The following DNAAF9 variants were observed in gnomAD, a reference collection of about 807,000 sequenced individuals.
DNAAF9 encodes the protein shulin.
A neutral mutation model predicts 167.0 loss-of-function variants in DNAAF9; 90 were observed. The ratio of observed to expected loss-of-function variants is 0.54; its 90% CI spans 0.45 to 0.64. The LOEUF (loss-of-function observed/expected upper bound fraction) is 0.64, where lower values mean the gene tolerates loss of function less well. Ranked by LOEUF, DNAAF9 falls within the 30% of genes least tolerant of loss-of-function variation. The pLI is 0.00. For missense variants in DNAAF9, 1,315 were observed against 1,442.2 expected (o/e 0.91, Z 1.43); for synonymous variants, 491 against 508.8 (o/e 0.96, Z 0.47).
chr20:3,252,749 G>A (rs2068214931), intron 36 of DNAAF9, 65 bp from the exon 37 acceptor site: 3 of 966,164 alleles, frequency 3.1e-6, no homozygotes, highest in South Asian at 1.3e-5. Flanking sequence ...TGAGCCCAGA[G>A]CGGCCTGTAG....
At chr20:3,265,523 C>T (rs1343322258) in intron 30 of DNAAF9, among the ~76,000 whole-genome samples, 2 of 127,950 alleles carry the variant, frequency 1.6e-5, no homozygotes, top group South Asian at 2.6e-4. Flanking sequence ...TGCAGTGAGA[C>T]GAGATCACGC....
intron 6 of DNAAF9, among the ~76,000 whole-genome samples, chr20:3,370,485 C>A (rs1241388120): frequency 2.6e-5 from 4 of 151,972 alleles, no homozygotes; most frequent in Non-Finnish European, 5.9e-5. Context: ...TCTTGGCTCA[C>A]TGCAGCCTCC....
chr20:3,326,141 G>T, intron 13 of DNAAF9, 56 bp downstream of exon 13: 1 of 1,270,926 alleles, frequency 7.9e-7, no homozygotes, highest in Non-Finnish European at 1.1e-6. Context: ...CACATGGATA[G>T]AATGTTTTAC....
intron 1 of DNAAF9, among the ~76,000 whole-genome samples, chr20:3,386,094 C>A (rs2083732743): frequency 6.6e-6 from 1 of 152,128 alleles, no homozygotes; most frequent in African/African-American, 2.4e-5. Flanking sequence ...CGAGGCCAGC[C>A]TGGGCAATAT....
intron 7 of DNAAF9, among the ~76,000 whole-genome samples, chr20:3,352,545 T>G (rs972930261): frequency 1.3e-5 from 2 of 152,198 alleles, no homozygotes; most frequent in African/African-American, 4.8e-5. Context: ...AAAGAACGTT[T>G]CAATTCAGAA....
chr20:3,394,942 CTTTTTTCTTTTTTTTTTTTTTTTTT>C (rs1381759748), intron 1 of DNAAF9, among the ~76,000 whole-genome samples: 17 of 89,058 alleles, frequency 1.9e-4, no homozygotes, highest in African/African-American at 4.3e-4. Flanking sequence ...TGAACATTTT[CTTTTTTCTTTTTTTTTTTTTTTTTT>C]TTTTTTTTTT....
At chr20:3,383,805 T>C (rs1429552473) in intron 1 of DNAAF9, among the ~76,000 whole-genome samples, 11 of 151,032 alleles carry the variant, frequency 7.3e-5, no homozygotes, top group Admixed American at 1.3e-4. Context: ...TGGATTCTTT[T>C]TTTTTTTTTT....
intron 6 of DNAAF9, among the ~76,000 whole-genome samples, chr20:3,373,831 G>A (rs1049035614): frequency 9.2e-5 from 14 of 152,282 alleles, no homozygotes; most frequent in African/African-American, 2.9e-4. Context: ...GGAGAGGAAG[G>A]ACGGAGAAGA....
At chr20:3,262,876 T>C (rs1477293311) in intron 31 of DNAAF9, among the ~76,000 whole-genome samples, 3 of 152,114 alleles carry the variant, frequency 2.0e-5, no homozygotes, top group Non-Finnish European at 4.4e-5. Context: ...AAATCAGAGA[T>C]TCCTTCTAAG....
intron 22 of DNAAF9, among the ~76,000 whole-genome samples, chr20:3,297,654 C>T (rs879730127): frequency 2.6e-5 from 4 of 152,110 alleles, no homozygotes; most frequent in Non-Finnish European, 4.4e-5. Flanking sequence ...TGGTACCATT[C>T]GCAAGGGCAG....
intron 21 of DNAAF9, among the ~76,000 whole-genome samples, chr20:3,302,249 T>A (rs540733413): frequency 4.9e-4 from 74 of 152,188 alleles, no homozygotes; most frequent in Non-Finnish European, 8.4e-4. Flanking sequence ...ATAAAAAAAT[T>A]TTTTTATTTT....
chr20:3,288,935 C>T (rs139196215), intron 26 of DNAAF9, among the ~76,000 whole-genome samples: 171 of 152,300 alleles, frequency 1.1e-3, no homozygotes, highest in Non-Finnish European at 2.1e-3. Context: ...CAGCCCTCTA[C>T]ATTTGCTTGA....
At chr20:3,318,434 C>T in intron 16 of DNAAF9, 34 bp from the exon 17 acceptor site, 1 of 1,081,430 alleles carries the variant, frequency 9.2e-7, no homozygotes, top group Middle Eastern at 2.0e-4. Context: ...AGATCAGTTA[C>T]CAGCCCAAAA....
chr20:3,348,364 G>C (rs1396004361), intron 8 of DNAAF9, among the ~76,000 whole-genome samples, 161 bp downstream of exon 8: 1 of 151,878 alleles, frequency 6.6e-6, no homozygotes, highest in South Asian at 2.1e-4. Context: ...TTTTATAAAG[G>C]GTTGGCATGG....
At position 3,315,642 on chromosome 20, in the gene DNAAF9, T is replaced by C; in HGVS notation, c.1590+93A>G. ...GACAACATAGTGCAAGTCTTTTAGA[T>C]TAGTAGTGAGATGAAGCATTTTAAT... On this transcript the variant is annotated intron_variant, in intron 19 of 36. Transcript: ENST00000252032. This position sits in a 1 kb window ranked among gnomAD's most constrained non-coding sequence, Gnocchi z 4.1. 2.1e-6 allele frequency: 2 copies of C among 963,240 alleles called. No individual in the cohort carries two copies. The highest frequency in any genetic ancestry group is 1.7e-6 in the Non-Finnish European group (1 of 589,298). 59.7% of individuals were successfully genotyped at this position (963,240 alleles called of 1,614,324 possible). A position where few individuals can be genotyped will look rare whatever the true frequency, so the allele number is the denominator to read the frequency against.
At chr20:3,334,499 G>A (rs1035979286) in intron 10 of DNAAF9, among the ~76,000 whole-genome samples, 2 of 152,062 alleles carry the variant, frequency 1.3e-5, no homozygotes, top group African/African-American at 4.8e-5. Flanking sequence ...TCTAAGTTTT[G>A]GTAATTATAA....
At chr20:3,296,230 C>A (rs2069074902) in intron 23 of DNAAF9, 1 of 505,090 alleles carries the variant, frequency 2.0e-6, no homozygotes, top group Non-Finnish European at 3.9e-6. Context: ...GACCGCACCA[C>A]TGCACTCTAC....
intron 7 of DNAAF9, among the ~76,000 whole-genome samples, chr20:3,354,992 C>T (rs577836683): frequency 3.0e-4 from 46 of 152,270 alleles, no homozygotes; most frequent in Non-Finnish European, 5.4e-4. Context: ...TGGACCCTCT[C>T]CACTGACTCT....
chr20:3,253,438 T>C (rs908287595), intron 36 of DNAAF9, among the ~76,000 whole-genome samples: 2 of 151,852 alleles, frequency 1.3e-5, no homozygotes, highest in African/African-American at 4.8e-5. Context: ...TGAAACTCCA[T>C]CTCCAAAAAA....
Sources: gnomAD v4.1 joint callset for allele counts (sites outside exome capture counted in the v4.1 genomes callset) on GRCh38, gnomAD v4.1.1 for gene constraint, Gnocchi (gnomAD v3.1) non-coding constraint, MANE v1.5 for transcripts, NCBI Gene and HGNC (gene_info 2026-07-23, HGNC 2026-07-21) for gene names.